Variants in RTL4 observed in about 807,000 individuals in gnomAD.
RTL4 encodes retrotransposon Gag like 4.
In RTL4, 4 loss-of-function variants were observed where a neutral mutation model predicts 5.3. That is an observed-to-expected ratio of 0.75 (90% CI 0.37 to 1.72). RTL4 has a LOEUF of 1.72. Among genes scored for constraint, RTL4 ranks in the 40% most tolerant of loss-of-function variants. The pLI is 0.04. For synonymous variants in RTL4, 98 were observed against 87.3 expected, an observed-to-expected ratio of 1.12 and a Z score of -0.68; for missense variants, 260 against 227.1, an observed-to-expected ratio of 1.14 and a Z score of -0.93.
the RTL4 span, among the ~76,000 whole-genome samples, chrX:112,113,792 T>C: frequency 8.9e-6 from 1 of 111,973 alleles, no homozygotes; most frequent in Non-Finnish European, 1.9e-5. Flanking sequence ...CCAACCACAC[T>C]GATAACAAGC....
At chrX:112,275,857 T>A in the RTL4 span, among the ~76,000 whole-genome samples, 1 of 111,334 alleles carries the variant, frequency 9.0e-6, no homozygotes, top group Non-Finnish European at 1.9e-5. Flanking sequence ...ATTGCTTGAG[T>A]CCAGGAGTTC....
the RTL4 span, among the ~76,000 whole-genome samples, chrX:112,276,166 C>CA: frequency 8.9e-6 from 1 of 112,076 alleles, no homozygotes; most frequent in Non-Finnish European, 1.9e-5. Context: ...AACCTTTTGA[C>CA]AGCTTCCATC....
At chrX:112,231,941 C>T in the RTL4 span, among the ~76,000 whole-genome samples, 1 of 111,591 alleles carries the variant, frequency 9.0e-6, no homozygotes, top group Non-Finnish European at 1.9e-5. Context: ...TGCTTAATTG[C>T]TATGTTCCAC....
At chrX:112,415,231 C>A in the RTL4 span, among the ~76,000 whole-genome samples, 1 of 111,285 alleles carries the variant, frequency 9.0e-6, no homozygotes, top group Admixed American at 9.6e-5. Context: ...AAGGGTAAGG[C>A]CCATCAGGAC....
chrX:112,252,118 G>C, the RTL4 span, among the ~76,000 whole-genome samples: 4 of 111,999 alleles, frequency 3.6e-5, no homozygotes, highest in Non-Finnish European at 7.5e-5. Flanking sequence ...ACATCTCTCA[G>C]TGAAATTAAA....
the RTL4 span, among the ~76,000 whole-genome samples, chrX:112,109,437 G>C: frequency 9.0e-6 from 1 of 111,472 alleles, no homozygotes; most frequent in Admixed American, 9.5e-5. Context: ...TGCTGGATGG[G>C]GTGGCCAGCT....
the RTL4 span, among the ~76,000 whole-genome samples, chrX:112,102,025 A>G: frequency 9.0e-6 from 1 of 111,091 alleles, no homozygotes. Context: ...AAACTGTAAA[A>G]GAATATGTTT....
chrX:112,267,747 T>A, the RTL4 span, among the ~76,000 whole-genome samples: 2 of 111,443 alleles, frequency 1.8e-5, no homozygotes, highest in Non-Finnish European at 3.8e-5. Context: ...CATCCTTGGA[T>A]CTTTTCTCAC....
the RTL4 span, among the ~76,000 whole-genome samples, chrX:112,429,449 T>C: frequency 1.8e-5 from 2 of 111,349 alleles, no homozygotes; most frequent in Admixed American, 1.9e-4. Flanking sequence ...AAGTACCTTA[T>C]AATAACGAAA....
chrX:112,310,428 AC>A, the RTL4 span, among the ~76,000 whole-genome samples: 2 of 73,062 alleles, frequency 2.7e-5, no homozygotes, highest in African/African-American at 1.0e-4. Flanking sequence ...AATATAATAT[AC>A]GTATATATAA....
chrX:112,251,891 G>T, the RTL4 span, among the ~76,000 whole-genome samples: 1 of 111,853 alleles, frequency 8.9e-6, no homozygotes, highest in Middle Eastern at 4.6e-3. Context: ...TTGATTCATA[G>T]AATTTACTTG....
chrX:112,265,504 A>T, the RTL4 span, among the ~76,000 whole-genome samples: 1 of 112,035 alleles, frequency 8.9e-6, no homozygotes, highest in Non-Finnish European at 1.9e-5. Context: ...GTCCTTTGAG[A>T]TCTTCAGGGA....
upstream of RTL4, among the ~76,000 whole-genome samples, chrX:112,452,089 C>CTTTTTTTTT (rs763942705): frequency 1.1e-5 from 1 of 91,001 alleles, no homozygotes; most frequent in Non-Finnish European, 2.2e-5. Context: ...TGGGAAAGAC[C>CTTTTTTTTT]TTTTTTTTTT....
At chrX:112,162,072 C>T in the RTL4 span, among the ~76,000 whole-genome samples, 9 of 109,804 alleles carry the variant, frequency 8.2e-5, no homozygotes, top group African/African-American at 3.0e-4. Flanking sequence ...AATTAAACAC[C>T]GTTACATTTG....
At chrX:112,110,016 G>T in the RTL4 span, among the ~76,000 whole-genome samples, 7 of 111,958 alleles carry the variant, frequency 6.3e-5, no homozygotes, top group African/African-American at 2.3e-4. Context: ...TGACAAGGAG[G>T]TTAAAAATAG....
At chrX:112,087,796 T>C in the RTL4 span, among the ~76,000 whole-genome samples, 1 of 111,385 alleles carries the variant, frequency 9.0e-6, no homozygotes, top group Non-Finnish European at 1.9e-5. Flanking sequence ...TGGATTTAAT[T>C]GGATAATGCA....
At chrX:112,093,210 T>C in the RTL4 span, among the ~76,000 whole-genome samples, 615 of 111,568 alleles carry the variant, frequency 5.5e-3, 2 homozygotes, top group African/African-American at 0.019. Context: ...TTGCCTTGGG[T>C]TTTGGCACCT....
the RTL4 span, among the ~76,000 whole-genome samples, chrX:112,228,972 C>A: frequency 6.2e-5 from 7 of 112,101 alleles, no homozygotes; most frequent in African/African-American, 2.3e-4. Context: ...AGATAAAACA[C>A]CAGACGTCAA....
chrX:112,112,603 C>T, the RTL4 span, among the ~76,000 whole-genome samples: 3 of 111,938 alleles, frequency 2.7e-5, no homozygotes, highest in African/African-American at 9.8e-5. Flanking sequence ...GCCTTGTATC[C>T]TTAATTAGCT....
Sources: gnomAD v4.1 joint callset for allele counts (sites outside exome capture counted in the v4.1 genomes callset) on GRCh38, gnomAD v4.1.1 for gene constraint, MANE v1.5 for transcripts, NCBI Gene and HGNC (gene_info 2026-07-23, HGNC 2026-07-21) for gene names.